Variants in ARK2C observed in about 807,000 individuals in gnomAD.
The protein encoded by ARK2C is E3 ubiquitin-protein ligase ARK2C.
At chr18:46,403,996 A>G in the ARK2C span, among the ~76,000 whole-genome samples, 4 of 152,190 alleles carry the variant, frequency 2.6e-5, no homozygotes, top group Non-Finnish European at 5.9e-5. Context: ...GCCCTGTGTG[A>G]TTAACAATTC....
chr18:46,416,991 G>T, the ARK2C span, among the ~76,000 whole-genome samples: 1 of 152,206 alleles, frequency 6.6e-6, no homozygotes, highest in African/African-American at 2.4e-5. Context: ...CATACAAGGA[G>T]GGGAGAAATT....
At chr18:46,335,930 T>C in the ARK2C span, 4 of 985,510 alleles carry the variant, frequency 4.1e-6, no homozygotes, top group South Asian at 1.4e-4. Context: ...CTGTGACCCT[T>C]CTGCCTCCGC....
chr18:46,335,800 T>G, the ARK2C span: 2 of 712,078 alleles, frequency 2.8e-6, no homozygotes, highest in Non-Finnish European at 3.4e-6. Context: ...TTGGCCCCCT[T>G]AGGCCTGTTT....
At chr18:46,405,971 C>A in the ARK2C span, among the ~76,000 whole-genome samples, 2 of 152,062 alleles carry the variant, frequency 1.3e-5, no homozygotes, top group Non-Finnish European at 2.9e-5. Flanking sequence ...CCTACACACT[C>A]ATCCACACAT....
chr18:46,345,040 C>T, the ARK2C span, among the ~76,000 whole-genome samples: 1 of 150,678 alleles, frequency 6.6e-6, no homozygotes, highest in South Asian at 2.1e-4. Context: ...GGAGGCAGCT[C>T]CTGCCTCGCT....
the ARK2C span, among the ~76,000 whole-genome samples, chr18:46,357,327 G>C: frequency 6.6e-6 from 1 of 152,170 alleles, no homozygotes; most frequent in Non-Finnish European, 1.5e-5. Context: ...AGTGAACAGA[G>C]CCCAGGTGGT....
chr18:46,426,694 GTGTT>G, the ARK2C span, among the ~76,000 whole-genome samples: 1 of 152,194 alleles, frequency 6.6e-6, no homozygotes, highest in African/African-American at 2.4e-5. Context: ...TACCATTGAT[GTGTT>G]TATTTAATGT....
chr18:46,396,314 A>G, the ARK2C span, among the ~76,000 whole-genome samples: 3 of 152,200 alleles, frequency 2.0e-5, no homozygotes, highest in Non-Finnish European at 2.9e-5. Flanking sequence ...GTTGTCTCAT[A>G]GTGCTCATCT....
chr18:46,443,235 G>T, the ARK2C span, among the ~76,000 whole-genome samples: 2 of 151,996 alleles, frequency 1.3e-5, no homozygotes, highest in Admixed American at 1.3e-4. Context: ...TTTAAAATTT[G>T]TGTCTGTTTT....
At chr18:46,441,129 G>C in the ARK2C span, among the ~76,000 whole-genome samples, 24 of 152,324 alleles carry the variant, frequency 1.6e-4, no homozygotes, top group Admixed American at 6.5e-4. Context: ...GGGACTACAG[G>C]TGTGCACCAC....
the ARK2C span, among the ~76,000 whole-genome samples, chr18:46,432,783 AAAATACAAAAAATTAG>A: frequency 6.6e-6 from 1 of 152,128 alleles, no homozygotes; most frequent in African/African-American, 2.4e-5. Context: ...GTCTCTACTA[AAAATACAAAAAATTAG>A]CCGGGCGCGG....
At chr18:46,411,179 C>T in the ARK2C span, among the ~76,000 whole-genome samples, 7,673 of 152,270 alleles carry the variant, frequency 0.05, 746 homozygotes, top group East Asian at 0.39. Context: ...AGAAAGGAAA[C>T]GACAGCCCCT....
the ARK2C span, among the ~76,000 whole-genome samples, chr18:46,442,361 T>C: frequency 1.3e-5 from 2 of 152,204 alleles, no homozygotes; most frequent in Non-Finnish European, 2.9e-5. Flanking sequence ...AACTGAATTT[T>C]TCTTTAAGGA....
the ARK2C span, among the ~76,000 whole-genome samples, chr18:46,342,237 T>C: frequency 5.7e-3 from 875 of 152,270 alleles, 6 homozygotes; most frequent in African/African-American, 0.02. Context: ...ACCTAGGTGA[T>C]TGGACACTCG....
chr18:46,454,825 TG>T, the ARK2C span, among the ~76,000 whole-genome samples: 7 of 152,220 alleles, frequency 4.6e-5, no homozygotes, highest in East Asian at 1.2e-3. Flanking sequence ...TGTGAAGATG[TG>T]AACATGAAAG....
chr18:46,447,390 G>A, the ARK2C span: 1,257 of 684,622 alleles, frequency 1.8e-3, 8 homozygotes, highest in African/African-American at 0.019. Context: ...CCTTCTCTGA[G>A]TCTCTGTTTC....
the ARK2C span, chr18:46,433,239 C>T: frequency 6.2e-7 from 1 of 1,606,694 alleles, no homozygotes; most frequent in Middle Eastern, 1.7e-4. Flanking sequence ...CCTGCCGCCA[C>T]TTCCACCTGG....
At chr18:46,411,301 T>C in the ARK2C span, among the ~76,000 whole-genome samples, 1 of 152,154 alleles carries the variant, frequency 6.6e-6, no homozygotes, top group Non-Finnish European at 1.5e-5. Context: ...TGAAAGATAA[T>C]TATGGTGGCA....
At chr18:46,433,314 A>G in the ARK2C span, 1 of 1,612,006 alleles carries the variant, frequency 6.2e-7, no homozygotes, top group South Asian at 1.1e-5. Flanking sequence ...AGTCGCAGCC[A>G]GGCCTCAGCG....
Sources: allele counts gnomAD v4.1 joint callset (sites outside exome capture counted in the v4.1 genomes callset), GRCh38; gene constraint gnomAD v4.1.1; transcripts MANE v1.5; gene names NCBI Gene and HGNC (gene_info 2026-07-23, HGNC 2026-07-21).